The following MMP26 variants were observed in gnomAD, a reference collection of about 807,000 sequenced individuals.
The protein encoded by MMP26 is matrix metallopeptidase 26, also known as matrix metalloproteinase-26.
Under a neutral mutation model 31.0 loss-of-function variants are expected in MMP26, and 33 were observed. That is an observed-to-expected ratio of 1.06 (90% confidence interval 0.81 to 1.42). MMP26 has a LOEUF of 1.42. MMP26 is among the 40% of genes most tolerant of loss of function. MMP26 has a pLI of 0.00. For missense variants in MMP26, 347 were observed against 316.1 expected, an observed-to-expected ratio of 1.10 and a Z score of -0.74; for synonymous variants, 122 against 114.9, an observed-to-expected ratio of 1.06 and a Z score of -0.40.
intron 2 of MMP26, among the ~76,000 whole-genome samples, chr11:4,896,451 G>A (rs1850704796): frequency 6.6e-6 from 1 of 151,982 alleles, no homozygotes; most frequent in South Asian, 2.1e-4. Context: ...GGAGACCCTG[G>A]GTCAGGATCA....
chr11:4,883,735 C>T (rs1850510722), intron 2 of MMP26, among the ~76,000 whole-genome samples: 1 of 152,126 alleles, frequency 6.6e-6, no homozygotes, highest in African/African-American at 2.4e-5. Context: ...TAGAATTGCA[C>T]AGTAGCTTTG....
At chr11:4,814,012 A>G (rs967255127) in intron 2 of MMP26, among the ~76,000 whole-genome samples, 3 of 152,338 alleles carry the variant, frequency 2.0e-5, no homozygotes, top group East Asian at 1.9e-4. Flanking sequence ...CAAAGGGTCA[A>G]TGCGCATATG....
intron 2 of MMP26, chr11:4,924,073 A>G (rs772268641): frequency 5.0e-6 from 8 of 1,614,048 alleles, no homozygotes; most frequent in Non-Finnish European, 6.8e-6. Flanking sequence ...CTCTGGTATC[A>G]AACCAGAAAA....
At chr11:4,758,998 C>G (rs1455479292) in intron 1 of MMP26, among the ~76,000 whole-genome samples, 1 of 150,754 alleles carries the variant, frequency 6.6e-6, no homozygotes, top group Non-Finnish European at 1.5e-5. Context: ...GTAATCACAG[C>G]TACCTGGGAG....
intron 2 of MMP26, chr11:4,943,549 C>T: frequency 2.2e-6 from 1 of 452,012 alleles, no homozygotes; most frequent in Non-Finnish European, 4.4e-6. Flanking sequence ...TAAGGGCTAT[C>T]CTGTACATTA....
At chr11:4,912,767 T>C (rs1032847401) in intron 2 of MMP26, 16 of 152,160 alleles carry the variant, frequency 1.1e-4, no homozygotes, top group African/African-American at 3.9e-4. Context: ...ATTTTCCTTT[T>C]CTTTAATTAC....
chr11:4,914,688 C>T (rs1236761248), intron 2 of MMP26: 3 of 1,496,394 alleles, frequency 2.0e-6, no homozygotes, highest in Non-Finnish European at 2.8e-6. Context: ...GGGCACGTTT[C>T]AGGAGACAGT....
chr11:4,778,932 T>C (rs966663541), intron 2 of MMP26, among the ~76,000 whole-genome samples: 3 of 152,060 alleles, frequency 2.0e-5, no homozygotes, highest in African/African-American at 7.2e-5. Context: ...TGTATCCAGT[T>C]ATCTTGCTTA....
intron 2 of MMP26, chr11:4,924,069 T>A (rs774659595): frequency 1.2e-6 from 2 of 1,613,970 alleles, no homozygotes; most frequent in Admixed American, 1.7e-5. Context: ...ATCTCTCTGG[T>A]ATCAAACCAG....
At chr11:4,974,769 A>G (rs1589822454) in intron 2 of MMP26, among the ~76,000 whole-genome samples, 1 of 152,076 alleles carries the variant, frequency 6.6e-6, no homozygotes, top group Non-Finnish European at 1.5e-5. Flanking sequence ...AGAATATTAT[A>G]CAGCCATAAA....
intron 2 of MMP26, among the ~76,000 whole-genome samples, chr11:4,940,684 G>A (rs1320700476): frequency 5.9e-5 from 9 of 152,256 alleles, no homozygotes; most frequent in Non-Finnish European, 1.2e-4. Flanking sequence ...GCTTCTAAAC[G>A]TTGACTCAAG....
chr11:4,760,514 G>A (rs1848558074), intron 1 of MMP26, among the ~76,000 whole-genome samples: 1 of 152,194 alleles, frequency 6.6e-6, no homozygotes, highest in Non-Finnish European at 1.5e-5. Flanking sequence ...TGAGAGGATG[G>A]ATATAATCTC....
intron 2 of MMP26, among the ~76,000 whole-genome samples, chr11:4,861,439 CTT>C (rs763815273): frequency 1.8e-4 from 27 of 150,158 alleles, no homozygotes; most frequent in Admixed American, 8.0e-4. Context: ...CAGTTTTTGC[CTT>C]TTTAAAATCT....
At chr11:4,753,069 G>A (rs1848466117) in intron 1 of MMP26, 1 of 152,054 alleles carries the variant, frequency 6.6e-6, no homozygotes, top group African/African-American at 2.4e-5. Context: ...AATATATATT[G>A]AGTAAAGTGC....
chr11:4,973,373 C>A (rs1190600519), intron 2 of MMP26: 1 of 152,358 alleles, frequency 6.6e-6, no homozygotes, highest in Non-Finnish European at 1.5e-5. Context: ...GTTCTTCTTA[C>A]AATATTTTAG....
chr11:4,838,085 A>C (rs539917002), intron 2 of MMP26, among the ~76,000 whole-genome samples: 268 of 151,904 alleles, frequency 1.8e-3, no homozygotes, highest in Middle Eastern at 0.014. Context: ...TGGGAGGCTG[A>C]GGCAGGCGGA....
intron 2 of MMP26, among the ~76,000 whole-genome samples, chr11:4,836,439 A>G (rs927173488): frequency 2.7e-5 from 4 of 150,522 alleles, no homozygotes; most frequent in Non-Finnish European, 5.9e-5. Context: ...ACAATATTAT[A>G]TATACATATA....
At chr11:4,792,324 A>C (rs1006040914) in intron 2 of MMP26, among the ~76,000 whole-genome samples, 9 of 152,180 alleles carry the variant, frequency 5.9e-5, no homozygotes, top group Non-Finnish European at 1.3e-4. Context: ...CTTCTCTCTT[A>C]AAAAGGAAGA....
At chr11:4,874,565 G>GGTGTGTTGGTGT in intron 2 of MMP26, among the ~76,000 whole-genome samples, 1 of 149,148 alleles carries the variant, frequency 6.7e-6, no homozygotes, top group East Asian at 2.0e-4. Flanking sequence ...GTGGTGTGTT[G>GGTGTGTTGGTGT]GTGTGTGTGT....
Sources: gnomAD v4.1 joint callset for allele counts (sites outside exome capture counted in the v4.1 genomes callset) on GRCh38, gnomAD v4.1.1 for gene constraint, MANE v1.5 for transcripts, NCBI Gene and HGNC (gene_info 2026-07-23, HGNC 2026-07-21) for gene names.